The following ERMP1 variants were observed in gnomAD, a reference collection of about 807,000 sequenced individuals.
ERMP1 encodes Felix-ina.
A neutral mutation model predicts 92.0 loss-of-function variants in ERMP1; 86 were observed. That is an observed-to-expected ratio of 0.93 (90% CI 0.79 to 1.12). The LOEUF (loss-of-function observed/expected upper bound fraction) is 1.12. ERMP1 is among the 50% of genes most tolerant of loss of function. ERMP1 has a pLI of 0.00. For missense variants in ERMP1, 1,342 were observed against 1,116.3 expected, an observed-to-expected ratio of 1.20 and a Z score of -2.88; for synonymous variants, 530 against 412.8, an observed-to-expected ratio of 1.28 and a Z score of -3.44.
intron 8 of ERMP1, 92 bp downstream of exon 8, chr9:5,809,919 C>T (rs1829025217): frequency 4.5e-6 from 4 of 883,226 alleles, no homozygotes; most frequent in African/African-American, 1.7e-5. Flanking sequence ...TTTTTTAGCA[C>T]TCAAAAGGCC....
intron 2 of ERMP1, among the ~76,000 whole-genome samples, chr9:5,825,953 T>G (rs775420931): frequency 6.6e-6 from 1 of 152,198 alleles, no homozygotes; most frequent in Non-Finnish European, 1.5e-5. Context: ...ATTAAAGGAA[T>G]TGATTGGATA....
intron 8 of ERMP1, among the ~76,000 whole-genome samples, chr9:5,807,642 A>T (rs765545619): frequency 6.6e-6 from 1 of 152,062 alleles, no homozygotes; most frequent in African/African-American, 2.4e-5. Flanking sequence ...GGTACTTGGG[A>T]GGCTGAGGCA....
In ERMP1 at chr9:5,823,903, G is replaced by C; in HGVS notation, c.867C>G (p.Phe289Leu). The change falls in exon 4 of 15, where the codon TTC becomes TTG. Residue 289 changes from phenylalanine (F) to leucine (L), a missense_variant. Coordinates refer to ENST00000339450, the MANE Select transcript of ERMP1 (RefSeq NM_024896.3). The part of the protein sequence containing the change: ...AAGVGGKELV[F>L]QTGPENPWLV... ...ACGCACAATCTCACATACCTGTTTGGAATACAAGTTCTTTCCCTCCTACAC... is the reference window on the plus strand; with the variant it reads ...ACGCACAATCTCACATACCTGTTTGCAATACAAGTTCTTTCCCTCCTACAC... The C allele has an allele frequency of 6.2e-7, 1 of 1,607,108 alleles. No individual in the cohort carries two copies. The highest frequency in any genetic ancestry group is 8.5e-7 in the Non-Finnish European group (1 of 1,173,790).
intron 6 of ERMP1, among the ~76,000 whole-genome samples, chr9:5,850,405 CAAAA>C (rs59464514): frequency 6.2e-4 from 25 of 40,598 alleles, no homozygotes; most frequent in Non-Finnish European, 9.2e-4. Flanking sequence ...AACTCCGTCT[CAAAA>C]AAAAAAAAAA....
chr9:5,838,546 G>T (rs532661708), intron 6 of ERMP1, among the ~76,000 whole-genome samples: 1 of 150,816 alleles, frequency 6.6e-6, no homozygotes, highest in South Asian at 2.1e-4. Flanking sequence ...AAAAAAAGAA[G>T]AAGAAGAAGA....
chr9:5,861,199 G>GTA (rs1554630234), intron 5 of ERMP1, among the ~76,000 whole-genome samples: 20 of 146,658 alleles, frequency 1.4e-4, no homozygotes, highest in African/African-American at 4.4e-4. Context: ...GTGTGTGTGT[G>GTA]TGTGTGTGTG....
intron 6 of ERMP1, among the ~76,000 whole-genome samples, chr9:5,856,962 T>C (rs749423041): frequency 5.4e-4 from 82 of 152,316 alleles, no homozygotes; most frequent in Middle Eastern, 6.8e-3. Context: ...ATTTTAAACA[T>C]TGAAATCATC....
chr9:5,813,877 C>G (rs986772358), intron 4 of ERMP1, among the ~76,000 whole-genome samples: 2 of 147,168 alleles, frequency 1.4e-5, no homozygotes, highest in Admixed American at 1.4e-4. Flanking sequence ...TATAATTATA[C>G]GTATATTTAT....
intron 2 of ERMP1, among the ~76,000 whole-genome samples, chr9:5,827,362 A>G (rs1217933796): frequency 6.6e-6 from 1 of 152,346 alleles, no homozygotes; most frequent in East Asian, 1.9e-4. Flanking sequence ...GAGCTAAAAA[A>G]TAAAATAAAA....
At chr9:5,865,842 A>C (rs1354829786) in intron 5 of ERMP1, among the ~76,000 whole-genome samples, 2 of 50,950 alleles carry the variant, frequency 3.9e-5, no homozygotes, top group Non-Finnish European at 1.6e-4. Flanking sequence ...TGTCTCAAAA[A>C]AAAAAAAAAA....
At chr9:5,808,145 T>C (rs897654766) in intron 8 of ERMP1, among the ~76,000 whole-genome samples, 3 of 152,214 alleles carry the variant, frequency 2.0e-5, no homozygotes, top group Non-Finnish European at 2.9e-5. Context: ...ATTCTTCTGC[T>C]ACCATGTTCA....
At chr9:5,836,213 T>C (rs951019004), upstream of ERMP1, among the ~76,000 whole-genome samples, 1 of 152,242 alleles carries the variant, frequency 6.6e-6, no homozygotes, top group African/African-American at 2.4e-5. Context: ...GAACTGCCAG[T>C]TTCTGTCTTC....
intron 8 of ERMP1, among the ~76,000 whole-genome samples, chr9:5,806,611 T>G (rs1259503352): frequency 6.6e-6 from 1 of 150,900 alleles, no homozygotes; most frequent in Non-Finnish European, 1.5e-5. Context: ...AAAAAAACAT[T>G]TTTTTTTTGG....
At chr9:5,815,007 A>G (rs1829247303) in intron 4 of ERMP1, among the ~76,000 whole-genome samples, 1 of 152,180 alleles carries the variant, frequency 6.6e-6, no homozygotes, top group African/African-American at 2.4e-5. Context: ...AGCAGAAGAA[A>G]GGATTAAAAT....
chr9:5,815,333 G>C (rs1407523469), intron 4 of ERMP1, among the ~76,000 whole-genome samples: 1 of 152,116 alleles, frequency 6.6e-6, no homozygotes, highest in Non-Finnish European at 1.5e-5. Flanking sequence ...AAACATCTGT[G>C]CCAGAAAGTA....
intron 6 of ERMP1, among the ~76,000 whole-genome samples, chr9:5,847,310 G>A (rs533141504): frequency 6.6e-6 from 1 of 152,084 alleles, no homozygotes; most frequent in Non-Finnish European, 1.5e-5. Context: ...AGGCTGTAGT[G>A]CAGTCTGCTC....
At chr9:5,848,147 G>A (rs1316197597) in intron 6 of ERMP1, among the ~76,000 whole-genome samples, 11 of 152,136 alleles carry the variant, frequency 7.2e-5, no homozygotes, top group South Asian at 4.1e-4. Context: ...ACCTTTGAAC[G>A]TATTCCTTTA....
chr9:5,792,127 G>A (rs1828222966), intron 13 of ERMP1, among the ~76,000 whole-genome samples: 1 of 152,150 alleles, frequency 6.6e-6, no homozygotes, highest in Admixed American at 6.5e-5. Flanking sequence ...GTTGGATGTG[G>A]CTATGCAGTG....
upstream of ERMP1, among the ~76,000 whole-genome samples, chr9:5,834,509 C>A (rs1409889008): frequency 6.6e-6 from 1 of 152,122 alleles, no homozygotes; most frequent in Non-Finnish European, 1.5e-5. Context: ...ATAGATATTT[C>A]TTGAGTGAAT....
Sources: allele counts gnomAD v4.1 joint callset (sites outside exome capture counted in the v4.1 genomes callset), GRCh38; gene constraint gnomAD v4.1.1; transcripts MANE v1.5; gene names NCBI Gene and HGNC (gene_info 2026-07-23, HGNC 2026-07-21).